The following PTK2 variants were observed in gnomAD, a reference collection of about 807,000 sequenced individuals.
PTK2 encodes protein tyrosine kinase 2, also known as focal adhesion kinase 1.
In PTK2, 45 loss-of-function variants were observed where a neutral mutation model predicts 150.1. The observed-to-expected ratio is 0.30, with a 90% CI of 0.24 to 0.38. PTK2 has a LOEUF of 0.38. PTK2 is among the 10% of genes least tolerant of loss of function. The pLI, the probability that PTK2 is intolerant of heterozygous loss-of-function variation, is 1.00. For synonymous variants in PTK2, 432 were observed against 449.2 expected (o/e 0.96, Z 0.48); for missense variants, 919 against 1,307.3 (o/e 0.70, Z 4.58).
chr8:140,850,996 C>T (rs945437960), intron 5 of PTK2, among the ~76,000 whole-genome samples: 5 of 152,146 alleles, frequency 3.3e-5, no homozygotes, highest in Non-Finnish European at 7.3e-5. Flanking sequence ...CTAACAGCTA[C>T]ACAAATTTAT....
intron 12 of PTK2, among the ~76,000 whole-genome samples, chr8:140,799,491 G>A (rs2100093668): frequency 6.6e-6 from 1 of 152,204 alleles, no homozygotes; most frequent in African/African-American, 2.4e-5. Context: ...CTTCCACAGC[G>A]TGAGCTGCTT....
At chr8:140,992,311 A>T (rs1037796902) in intron 1 of PTK2, among the ~76,000 whole-genome samples, 5 of 151,436 alleles carry the variant, frequency 3.3e-5, no homozygotes, top group African/African-American at 1.2e-4. Flanking sequence ...AAAAAAAAAA[A>T]ATACAAAAAT....
At chr8:140,990,557 G>A (rs1255782821) in intron 1 of PTK2, among the ~76,000 whole-genome samples, 1 of 152,112 alleles carries the variant, frequency 6.6e-6, no homozygotes, top group African/African-American at 2.4e-5. Flanking sequence ...ATTGTCTCAA[G>A]AAGAAATTGT....
intron 14 of PTK2, among the ~76,000 whole-genome samples, chr8:140,766,652 C>A (rs540385428): frequency 9.2e-5 from 14 of 152,098 alleles, no homozygotes; most frequent in Non-Finnish European, 1.6e-4. Context: ...ACATGCTAAA[C>A]CAAAAGAATG....
At chr8:140,966,852 C>T (rs532745286) in intron 1 of PTK2, among the ~76,000 whole-genome samples, 2 of 152,328 alleles carry the variant, frequency 1.3e-5, no homozygotes, top group East Asian at 3.9e-4. Context: ...TTTTAACCTA[C>T]AAACTAAAAT....
exon 3 of PTK2, chr8:140,890,740 T>C (rs1004073010): frequency 4.3e-6 from 7 of 1,614,164 alleles, no homozygotes; most frequent in South Asian, 1.1e-5. Context: ...GCTGCCATTA[T>C]TTTGCTAGAT....
intron 1 of PTK2, among the ~76,000 whole-genome samples, chr8:140,969,737 C>A (rs1377078627): frequency 6.6e-6 from 1 of 152,202 alleles, no homozygotes; most frequent in Non-Finnish European, 1.5e-5. Context: ...TAAAAGCTAC[C>A]TTTATGCTAA....
chr8:140,934,146 T>C (rs1478989971), intron 1 of PTK2, among the ~76,000 whole-genome samples: 1 of 152,160 alleles, frequency 6.6e-6, no homozygotes, highest in Non-Finnish European at 1.5e-5. Context: ...AAATCATATA[T>C]CTAATAAATC....
intron 14 of PTK2, among the ~76,000 whole-genome samples, chr8:140,777,147 A>G (rs1218055556): frequency 6.6e-6 from 1 of 152,232 alleles, no homozygotes; most frequent in East Asian, 1.9e-4. Context: ...GTATTAGGCC[A>G]TTATTGTATT....
At chr8:140,777,661 A>G (rs1245576684) in intron 14 of PTK2, among the ~76,000 whole-genome samples, 1 of 152,228 alleles carries the variant, frequency 6.6e-6, no homozygotes, top group African/African-American at 2.4e-5. Flanking sequence ...TCACTGCAGT[A>G]ATGGGTGCTT....
intron 3 of PTK2, among the ~76,000 whole-genome samples, chr8:140,883,810 A>G (rs567990766): frequency 1.3e-5 from 2 of 152,116 alleles, no homozygotes; most frequent in African/African-American, 4.8e-5. Context: ...TCTGTAATAA[A>G]TCACCACAAA....
intron 2 of PTK2, among the ~76,000 whole-genome samples, chr8:140,924,493 T>A (rs762156001): frequency 1.3e-5 from 2 of 152,182 alleles, no homozygotes; most frequent in Non-Finnish European, 2.9e-5. Context: ...TAGGCCATAT[T>A]CCACCACCCT....
chr8:140,788,995 T>C (rs1438250531), intron 14 of PTK2, among the ~76,000 whole-genome samples: 2 of 152,136 alleles, frequency 1.3e-5, no homozygotes, highest in Non-Finnish European at 2.9e-5. Context: ...CACACTTAAT[T>C]GCACCAGCAA....
chr8:140,702,726 G>C lies in PTK2; in HGVS notation c.2230-19C>G, dbSNP rs749588273. 1 of 1,611,228 alleles carries C rather than the reference G, an allele frequency of 6.2e-7. No individual in the cohort carries two copies. Among genetic ancestry groups the C allele is most frequent in the Admixed American group, 1.7e-5 (1 of 59,892 alleles). On this transcript the variant is annotated intron_variant, in intron 24 of 31. Transcript: ENST00000522684. ...CAGAAACCTGTGAATGAGTAAGGAGGCAAGGTAATGTTCAACTATAACATC... is the reference window on the plus strand; with the variant it reads ...CAGAAACCTGTGAATGAGTAAGGAGCCAAGGTAATGTTCAACTATAACATC...
intron 23 of PTK2, among the ~76,000 whole-genome samples, chr8:140,716,064 T>C (rs1422680431): frequency 6.6e-5 from 10 of 152,220 alleles, no homozygotes; most frequent in Admixed American, 2.6e-4. Flanking sequence ...AATAAAGTGC[T>C]GTACAGTGAA....
intron 2 of PTK2, among the ~76,000 whole-genome samples, chr8:140,897,628 G>A (rs1240831370): frequency 1.3e-5 from 2 of 152,110 alleles, no homozygotes; most frequent in Non-Finnish European, 2.9e-5. Context: ...CACTCATCAC[G>A]GTTTGGTCAG....
chr8:140,764,362 T>C, intron 14 of PTK2, 72 bp from the exon 17 acceptor site: 1 of 1,159,560 alleles, frequency 8.6e-7, no homozygotes, highest in Non-Finnish European at 1.3e-6. Flanking sequence ...ATAATTAAAG[T>C]AGGCAAAGCG....
At chr8:140,871,757 T>C (rs1341702856) in intron 4 of PTK2, among the ~76,000 whole-genome samples, 1 of 152,196 alleles carries the variant, frequency 6.6e-6, no homozygotes, top group Non-Finnish European at 1.5e-5. Flanking sequence ...CAAACACCTC[T>C]AGTCCTAGGT....
chr8:140,741,582 T>C (rs1365000009), intron 20 of PTK2, among the ~76,000 whole-genome samples: 1 of 152,112 alleles, frequency 6.6e-6, no homozygotes, highest in Non-Finnish European at 1.5e-5. Context: ...AGACTAGCTT[T>C]GCTTGTAAAA....
Sources: gnomAD v4.1 joint callset for allele counts (sites outside exome capture counted in the v4.1 genomes callset) on GRCh38, gnomAD v4.1.1 for gene constraint, MANE v1.5 for transcripts, NCBI Gene and HGNC (gene_info 2026-07-23, HGNC 2026-07-21) for gene names.